The following DHRSX variants were observed in gnomAD, a reference collection of about 807,000 sequenced individuals.
The protein encoded by DHRSX is dehydrogenase/reductase X-linked, also known as polyprenol dehydrogenase.
A neutral mutation model predicts 34.0 loss-of-function variants in DHRSX; 31 were observed. The observed-to-expected ratio is 0.91, with a 90% CI of 0.69 to 1.23. The LOEUF is 1.23. DHRSX is among the 50% of genes most tolerant of loss of function. The probability of loss-of-function intolerance (pLI) is 0.00; values close to 1 mark genes in which losing one functional copy is unlikely to be tolerated. For missense variants in DHRSX, 414 were observed against 428.1 expected (o/e 0.97, Z 0.29); for synonymous variants, 201 against 183.8 (o/e 1.09, Z -0.76).
intron 3 of DHRSX, among the ~76,000 whole-genome samples, chrX:2,305,146 C>T (rs2042084048): frequency 6.7e-6 from 1 of 149,350 alleles, no homozygotes; most frequent in African/African-American, 2.4e-5. Flanking sequence ...TAAGTGGGTG[C>T]TTAACAATGA....
intron 1 of DHRSX, among the ~76,000 whole-genome samples, chrX:2,455,741 C>CAA (rs752123891): frequency 0.14 from 8,359 of 59,538 alleles, 525 homozygotes; most frequent in East Asian, 0.32. Flanking sequence ...AACTTCGTCT[C>CAA]AAAAAAAAAA....
intron 1 of DHRSX, among the ~76,000 whole-genome samples, chrX:2,437,696 A>AGTGT (rs1321073330): frequency 2.1e-4 from 19 of 92,312 alleles, no homozygotes; most frequent in South Asian, 7.1e-4. Context: ...AGAGAGAGAG[A>AGTGT]GAGTGTGTGT....
At position 2,345,676 on chromosome X, in the gene DHRSX, C is replaced by G. The variant is rs762502751; in HGVS notation, c.287-54073G>C. On this transcript the variant is annotated intron_variant, in intron 3 of 6. Transcript: ENST00000334651. ...GTCTCAAAAAAAAAAAAAAAAAAAT[C>G]TAAATCAGTACACTTTGAGTAAAGC... 8.3e-4 allele frequency among the ~76,000 whole-genome samples: 115 copies of G among 138,122 alleles called. 1 individual carries two copies. The East Asian group carries it at 0.017, about 20-fold the overall frequency. 90.6% of individuals were successfully genotyped at this position (138,122 alleles called of 152,430 possible). A position where few individuals can be genotyped will look rare whatever the true frequency, so the allele number is the denominator to read the frequency against.
intron 3 of DHRSX, among the ~76,000 whole-genome samples, chrX:2,365,940 G>A (rs1169100808): frequency 6.6e-6 from 1 of 152,106 alleles, no homozygotes; most frequent in Non-Finnish European, 1.5e-5. Flanking sequence ...ACAGTTCACT[G>A]AACACTAGCG....
At chrX:2,472,918 G>A (rs2044615816) in intron 1 of DHRSX, among the ~76,000 whole-genome samples, 1 of 152,110 alleles carries the variant, frequency 6.6e-6, no homozygotes, top group South Asian at 2.1e-4. Context: ...ATGAGTGTGA[G>A]AAGGATTCCT....
chrX:2,301,290 T>G (rs1485156526), intron 3 of DHRSX, among the ~76,000 whole-genome samples: 1 of 152,168 alleles, frequency 6.6e-6, no homozygotes, highest in Non-Finnish European at 1.5e-5. Flanking sequence ...GTGCATTGCC[T>G]GTAATCCCAG....
At chrX:2,276,004 C>A (rs1479552445) in intron 4 of DHRSX, among the ~76,000 whole-genome samples, 1 of 152,006 alleles carries the variant, frequency 6.6e-6, no homozygotes, top group South Asian at 2.1e-4. Context: ...CTACTATGCC[C>A]AGCTAATTTC....
At chrX:2,499,219 G>A (rs1392123505) in intron 1 of DHRSX, among the ~76,000 whole-genome samples, 11 of 152,036 alleles carry the variant, frequency 7.2e-5, no homozygotes, top group Admixed American at 7.2e-4. Flanking sequence ...TCCCAGAGGC[G>A]TGCAGTAGTG....
chrX:2,453,380 A>C (rs1021416719), intron 1 of DHRSX, among the ~76,000 whole-genome samples: 1 of 151,460 alleles, frequency 6.6e-6, no homozygotes, highest in East Asian at 1.9e-4. Context: ...AAAAAAAAAA[A>C]CAAAAAATTA....
chrX:2,254,729 C>T (rs1056967691), intron 5 of DHRSX, among the ~76,000 whole-genome samples: 2 of 151,600 alleles, frequency 1.3e-5, no homozygotes, highest in African/African-American at 4.8e-5. Context: ...TCACTGCAAT[C>T]TCCGCCTCCC....
chrX:2,442,441 T>TA lies in DHRSX; in HGVS notation c.110-17138dup, dbSNP rs1457302999. Among the ~76,000 whole-genome samples, 3 of 151,550 alleles carry TA rather than the reference T, an allele frequency of 2.0e-5. No individual in the cohort carries two copies. In the East Asian group the frequency reaches 5.8e-4, roughly 29 times the overall value. On this transcript the variant is annotated intron_variant, in intron 1 of 6. Coordinates refer to ENST00000334651, the MANE Select transcript of DHRSX (RefSeq NM_145177.3). The stretch of plus-strand genomic sequence containing the variant: ...TATATGATGATATATAATTACATTG[T>TA]ATAATATATTATGGGTGTCTATGTG...
chrX:2,267,041 C>T lies in DHRSX; in HGVS notation c.389-94G>A. 6 of 1,298,542 alleles carry T rather than the reference C, an allele frequency of 4.6e-6. No individual in the cohort carries two copies. The South Asian group carries it at 6.1e-5, about 13-fold the overall frequency. The allele number at this position is 1,298,542 out of a possible 1,614,324, so 80.4% of individuals were successfully genotyped here. ...CCCCAGATGCGCAAATGGCCCAGGA[C>T]ATCGGAGGGTGGGGTGTAGAGCTGG... On this transcript the variant is annotated intron_variant, in intron 4 of 6. Transcript: ENST00000334651.
chrX:2,411,767 G>A (rs2043633407), intron 2 of DHRSX, among the ~76,000 whole-genome samples: 1 of 151,668 alleles, frequency 6.6e-6, no homozygotes, highest in Non-Finnish European at 1.5e-5. Context: ...AAAAACAAAG[G>A]GAAACATGCC....
At chrX:2,242,406 C>A (rs982898525) in intron 6 of DHRSX, among the ~76,000 whole-genome samples, 1 of 152,076 alleles carries the variant, frequency 6.6e-6, no homozygotes, top group African/African-American at 2.4e-5. Flanking sequence ...CAACACCGCA[C>A]ACGCAGCCTG....
chrX:2,359,665 G>A (rs1424769994), intron 3 of DHRSX, among the ~76,000 whole-genome samples: 8 of 151,896 alleles, frequency 5.3e-5, no homozygotes, highest in South Asian at 2.1e-4. Context: ...GGGTGACACA[G>A]CGAGACTCCA....
At chrX:2,307,697 G>A (rs1450976215) in intron 3 of DHRSX, among the ~76,000 whole-genome samples, 44 of 150,780 alleles carry the variant, frequency 2.9e-4, no homozygotes, top group Admixed American at 2.9e-3. Flanking sequence ...CCTGGGAGGC[G>A]GAGCTTGCAG....
chrX:2,415,025 C>T (rs1294698525), intron 2 of DHRSX, among the ~76,000 whole-genome samples: 6 of 151,832 alleles, frequency 4.0e-5, no homozygotes, highest in African/African-American at 1.5e-4. Flanking sequence ...CACGACCTAA[C>T]TAGATCACAT....
At chrX:2,314,074 G>T (rs1204231002) in intron 3 of DHRSX, among the ~76,000 whole-genome samples, 1 of 151,068 alleles carries the variant, frequency 6.6e-6, no homozygotes. Flanking sequence ...ACTTCAGAGA[G>T]AACAGGTTGT....
chrX:2,363,674 G>GGTATCATGCCT (rs2042964559), intron 3 of DHRSX, among the ~76,000 whole-genome samples: 1 of 62,024 alleles, frequency 1.6e-5, no homozygotes, highest in Non-Finnish European at 4.1e-5. Flanking sequence ...GTATCATGCT[G>GGTATCATGCCT]CCATTTTATC....
Sources: allele counts gnomAD v4.1 joint callset (sites outside exome capture counted in the v4.1 genomes callset), GRCh38; gene constraint gnomAD v4.1.1; transcripts MANE v1.5; gene names NCBI Gene and HGNC (gene_info 2026-07-23, HGNC 2026-07-21).